Variants in HERC5 observed in about 807,000 individuals in gnomAD.
HERC5 encodes the protein HECT and RLD domain containing E3 ubiquitin protein ligase 5, also known as E3 ISG15--protein ligase HERC5.
In HERC5, 99 loss-of-function variants were observed where a neutral mutation model predicts 119.6. The ratio of observed to expected loss-of-function variants is 0.83; its 90% confidence interval spans 0.70 to 0.98. HERC5 has a LOEUF of 0.98. HERC5 is among the 50% of genes least tolerant of loss of function. The probability of loss-of-function intolerance (pLI) is 0.00; values close to 1 mark genes in which losing one functional copy is unlikely to be tolerated. For synonymous variants in HERC5, 478 were observed against 445.9 expected (o/e 1.07, Z -0.91); for missense variants, 1,267 against 1,241.3 (o/e 1.02, Z -0.31).
intron 16 of HERC5, among the ~76,000 whole-genome samples, chr4:88,491,904 TG>T (rs1741650894): frequency 6.6e-6 from 1 of 152,176 alleles, no homozygotes; most frequent in Admixed American, 6.5e-5. Context: ...TGGGAGGGAT[TG>T]GTGTCAGCAG....
Position 88,462,076 on chromosome 4 carries a change from G to A in HERC5, c.467-59G>A, listed in dbSNP as rs1740461995. On this transcript the variant is annotated intron_variant, in intron 3 of 22. Coordinates refer to ENST00000264350, the MANE Select transcript of HERC5 (RefSeq NM_016323.4). ...TAGGTAGAGCATGCATAATGCTTTA[G>A]GGTAATGTCTGCTGCATTTTAAATG... 1.5e-5 allele frequency: 21 copies of A among 1,398,916 alleles called. No homozygotes were observed. In the South Asian group the frequency reaches 2.4e-4, roughly 16 times the overall value. 86.7% of individuals were successfully genotyped at this position (1,398,916 alleles called of 1,614,324 possible). A position where few individuals can be genotyped will look rare whatever the true frequency, so the allele number is the denominator to read the frequency against.
chr4:88,468,791 A>G (rs547932523), intron 8 of HERC5, among the ~76,000 whole-genome samples: 1 of 152,372 alleles, frequency 6.6e-6, no homozygotes, highest in East Asian at 1.9e-4. Flanking sequence ...TAAAAAGTCC[A>G]TAACTTCCCT....
chr4:88,457,858 TC>T, intron 1 of HERC5: 1 of 1,001,616 alleles, frequency 1.0e-6, no homozygotes, highest in Non-Finnish European at 1.2e-6. Flanking sequence ...TGTACCCCCG[TC>T]CCCCGCCCGC....
At chr4:88,466,493 G>A (rs1350667418) in intron 6 of HERC5, among the ~76,000 whole-genome samples, 2 of 152,160 alleles carry the variant, frequency 1.3e-5, no homozygotes, top group Non-Finnish European at 2.9e-5. Context: ...CACAGGCCAG[G>A]AGAGCTCTCC....
chr4:88,457,602 G>T, intron 1 of HERC5, 68 bp downstream of exon 1: 1 of 1,217,970 alleles, frequency 8.2e-7, no homozygotes, highest in Non-Finnish European at 1.0e-6. Flanking sequence ...TGTGAGGGGC[G>T]GGCAGCCGGG....
In HERC5 at chr4:88,486,244, T is replaced by G; in HGVS notation, c.1851+16T>G. The G allele has an allele frequency of 7.0e-7, 1 of 1,433,492 alleles. No homozygotes were observed. The highest frequency in any genetic ancestry group is 9.7e-7 in the Non-Finnish European group (1 of 1,027,900). The allele number at this position is 1,433,492 out of a possible 1,614,324, so 88.8% of individuals were successfully genotyped here. On this transcript the variant is annotated intron_variant, in intron 14 of 22. Coordinates refer to ENST00000264350, the MANE Select transcript of HERC5 (RefSeq NM_016323.4). The stretch of plus-strand genomic sequence containing the variant: ...AATGACTGTGGTAGGTATAGCATGT[T>G]TAAAGGGGGAAATTGATAATCAGTG...
At chr4:88,469,086 G>A (rs770663990) in intron 8 of HERC5, 71 bp from the exon 9 acceptor site, 14 of 888,266 alleles carry the variant, frequency 1.6e-5, no homozygotes, top group Non-Finnish European at 2.2e-5. Context: ...TCTCTAGAGT[G>A]TACCTAAAAG....
chr4:88,501,133 T>C, intron 20 of HERC5, 148 bp downstream of exon 20: 1 of 578,758 alleles, frequency 1.7e-6, no homozygotes, highest in Non-Finnish European at 3.0e-6. Flanking sequence ...GTATGTGTTT[T>C]GACATATATA....
At chr4:88,467,291 A>T in intron 7 of HERC5, 87 bp downstream of exon 7, 4 of 1,321,724 alleles carry the variant, frequency 3.0e-6, no homozygotes, top group Non-Finnish European at 3.2e-6. Flanking sequence ...AAAGAAAGCA[A>T]CATATGACTA....
intron 20 of HERC5, among the ~76,000 whole-genome samples, chr4:88,502,711 A>T (rs1741980656): frequency 6.6e-6 from 1 of 152,214 alleles, no homozygotes; most frequent in Admixed American, 6.5e-5. Context: ...TTTTTAAATT[A>T]GCCATTCTGG....
chr4:88,497,160 A>T lies in HERC5; in HGVS notation c.2445-2766A>T, dbSNP rs74374958. On this transcript the variant is annotated intron_variant, in intron 18 of 22. Coordinates refer to ENST00000264350, the MANE Select transcript of HERC5 (RefSeq NM_016323.4). ...TATGGCAGCGTAAATGGACTAAGGG[A>T]AATTGCTACCAAGAAGTGTGGTGTT... is the stretch of plus-strand genomic sequence containing the variant. Among the ~76,000 whole-genome samples, 1,025 of 152,312 alleles carry T rather than the reference A, an allele frequency of 6.7e-3. 8 individuals are homozygous for T. Among genetic ancestry groups the T allele is most frequent in the Middle Eastern group, 0.024 (7 of 294 alleles).
Position 88,500,859 on chromosome 4 carries a change from G to A in HERC5, c.2512-56G>A, listed in dbSNP as rs1446107824. 6 of 1,266,618 alleles carry A rather than the reference G, an allele frequency of 4.7e-6. No individual in the cohort carries two copies. In the Admixed American group the frequency reaches 6.0e-5, roughly 13 times the overall value. 78.5% of individuals were successfully genotyped at this position (1,266,618 alleles called of 1,614,324 possible). The stretch of plus-strand genomic sequence containing the variant: ...TATGCTCCAAAGTGTTTTTATTGAT[G>A]ATAGATTGTTCAGAATTATGTTGGA... On this transcript the variant is annotated intron_variant, in intron 19 of 22. Coordinates refer to ENST00000264350, the MANE Select transcript of HERC5 (RefSeq NM_016323.4).
In HERC5 at chr4:88,494,308, A is replaced by G. The variant is rs1409379625; in HGVS notation, c.2421A>G (p.Lys807=). Residue 807 remains lysine, a synonymous_variant, in exon 18 of 23, where the codon AAA becomes AAG. Coordinates refer to ENST00000264350, the MANE Select transcript of HERC5 (RefSeq NM_016323.4). ...AAATGCCATCATTGGAAGACTTGAA[A>G]GAACTCAGTCCTGATTTGGGAAAGT... ...LDQMPSLEDL[K]ELSPDLGKNL... The G allele has an allele frequency of 6.2e-7, 1 of 1,613,360 alleles. No individual in the cohort carries two copies. The highest frequency in any genetic ancestry group is 1.7e-5 in the Admixed American group (1 of 59,880).
At chr4:88,463,665 A>C in intron 5 of HERC5, 42 bp downstream of exon 5, 6 of 1,546,450 alleles carry the variant, frequency 3.9e-6, no homozygotes, top group Non-Finnish European at 5.4e-6. Flanking sequence ...TTTTTAGAAG[A>C]ACAGTTTGTA....
intron 8 of HERC5, 57 bp downstream of exon 8, chr4:88,468,479 T>C (rs1740751242): frequency 2.5e-6 from 3 of 1,222,386 alleles, no homozygotes; most frequent in Non-Finnish European, 3.5e-6. Context: ...AACTAAGGGT[T>C]CTAGTATCCC....
At chr4:88,483,260 G>A (rs182627284) in intron 13 of HERC5, among the ~76,000 whole-genome samples, 1 of 152,082 alleles carries the variant, frequency 6.6e-6, no homozygotes, top group East Asian at 2.0e-4. Flanking sequence ...CCAGGCTGGA[G>A]TGCAGTGGTG....
intron 15 of HERC5, among the ~76,000 whole-genome samples, chr4:88,487,941 T>C (rs1160592511): frequency 6.6e-6 from 1 of 152,188 alleles, no homozygotes; most frequent in Non-Finnish European, 1.5e-5. Context: ...CTTTTACATA[T>C]GCAGACATAT....
At chr4:88,461,333 G>A (rs1038880244) in intron 3 of HERC5, among the ~76,000 whole-genome samples, 4 of 152,198 alleles carry the variant, frequency 2.6e-5, no homozygotes, top group African/African-American at 9.7e-5. Context: ...AGGCGTGTAT[G>A]TACAAGGGTA....
At chr4:88,489,037 A>G (rs776861326) in intron 15 of HERC5, 129 bp from the exon 16 acceptor site, 6 of 646,108 alleles carry the variant, frequency 9.3e-6, no homozygotes, top group East Asian at 8.3e-5. Flanking sequence ...TCAGTGGTGC[A>G]TATAAGGTTC....
Sources: allele counts gnomAD v4.1 joint callset (sites outside exome capture counted in the v4.1 genomes callset), GRCh38; gene constraint gnomAD v4.1.1; transcripts MANE v1.5; gene names NCBI Gene and HGNC (gene_info 2026-07-23, HGNC 2026-07-21).